The following SLC13A1 variants were observed in gnomAD, a reference collection of about 807,000 sequenced individuals.
SLC13A1 encodes Na(+)/sulfate cotransporter.
In SLC13A1, 65 loss-of-function variants were observed where a neutral mutation model predicts 70.0. The ratio of observed to expected loss-of-function variants is 0.93; its 90% CI spans 0.76 to 1.14. The LOEUF (loss-of-function observed/expected upper bound fraction) is 1.14, where lower values mean the gene tolerates loss of function less well. Ranked by LOEUF, SLC13A1 falls within the 50% of genes most tolerant of loss-of-function variation. The probability of loss-of-function intolerance (pLI) is 0.00; values close to 1 mark genes in which losing one functional copy is unlikely to be tolerated. For missense variants in SLC13A1, 726 were observed against 717.8 expected (o/e 1.01, Z -0.13); for synonymous variants, 275 against 250.5 (o/e 1.10, Z -0.92).
intron 3 of SLC13A1, among the ~76,000 whole-genome samples, chr7:123,170,193 G>C (rs1795222689): frequency 6.6e-6 from 1 of 152,072 alleles, no homozygotes; most frequent in Non-Finnish European, 1.5e-5. Context: ...GAAATAATCT[G>C]ACACCCTTTT....
intron 1 of SLC13A1, chr7:123,190,391 C>T (rs1795954739): frequency 3.0e-6 from 1 of 334,840 alleles, no homozygotes; most frequent in African/African-American, 2.2e-5. Context: ...CTTTCATAAA[C>T]AAAAAAGGCT....
At chr7:123,190,893 C>T (rs1028261355) in intron 1 of SLC13A1, among the ~76,000 whole-genome samples, 2 of 152,086 alleles carry the variant, frequency 1.3e-5, no homozygotes, top group East Asian at 1.9e-4. Context: ...TACTTTCCTG[C>T]TCTTGCTTTA....
At position 123,168,543 on chromosome 7, in the gene SLC13A1, T is replaced by C; in HGVS notation, c.572A>G (p.Glu191Gly). Residue 191 changes from glutamate to glycine, a missense_variant, in exon 5 of 15, where the codon GAA becomes GGA. By Grantham distance (98) the Glu-to-Gly change is moderately conservative. Coordinates refer to ENST00000194130, the MANE Select transcript of SLC13A1 (RefSeq NM_022444.4). Reference sequence around the variant, plus strand: ...TGTTTTCTCTTTCCTCTCATTTATTTCATGTCCATTAACACTTTCTGCAAA... The same window carrying C: ...TGTTTTCTCTTTCCTCTCATTTATTCCATGTCCATTAACACTTTCTGCAAA... ...LEIDESVNGH[E>G]INERKEKTKP... The C allele has an allele frequency of 6.2e-7, 1 of 1,609,374 alleles. No individual in the cohort carries two copies. The highest frequency in any genetic ancestry group is 8.5e-7 in the Non-Finnish European group (1 of 1,176,684).
intron 6 of SLC13A1, among the ~76,000 whole-genome samples, chr7:123,150,265 T>C (rs951549888): frequency 6.6e-6 from 1 of 152,140 alleles, no homozygotes; most frequent in Non-Finnish European, 1.5e-5. Flanking sequence ...ACAGAGAAAA[T>C]AGAAGCCAGC....
intron 7 of SLC13A1, among the ~76,000 whole-genome samples, chr7:123,139,033 T>C (rs1470406070): frequency 2.0e-5 from 3 of 152,112 alleles, no homozygotes; most frequent in Non-Finnish European, 4.4e-5. Context: ...TTTCTTGTAG[T>C]AGTTTCATAG....
intron 1 of SLC13A1, among the ~76,000 whole-genome samples, chr7:123,198,979 A>G (rs187921730): frequency 3.3e-5 from 5 of 152,202 alleles, no homozygotes; most frequent in African/African-American, 9.6e-5. Flanking sequence ...TACTATACAC[A>G]TCTTTCATAT....
chr7:123,115,038 C>T lies in SLC13A1; in HGVS notation c.*480G>A, dbSNP rs754638808. On this transcript the variant is annotated 3_prime_UTR_variant, in exon 15 of 15. Coordinates refer to ENST00000194130, the MANE Select transcript of SLC13A1 (RefSeq NM_022444.4). ...ACTTTTCTCTTCATCACCAGATGACCATGGCTTTGATTTCTCAGCAAATTC... is the reference window on the plus strand; with the variant it reads ...ACTTTTCTCTTCATCACCAGATGACTATGGCTTTGATTTCTCAGCAAATTC... The T allele has an allele frequency of 1.3e-5, 2 of 152,384 alleles. No individual in the cohort carries two copies. Among genetic ancestry groups the T allele is most frequent in the African/African-American group, 4.8e-5 (2 of 41,432 alleles). 9.4% of individuals were successfully genotyped at this position (152,384 alleles called of 1,614,324 possible).
intron 12 of SLC13A1, among the ~76,000 whole-genome samples, chr7:123,121,086 C>T (rs1793363517): frequency 6.6e-6 from 1 of 151,906 alleles, no homozygotes; most frequent in Admixed American, 6.6e-5. Context: ...GACTGTTGAA[C>T]ATTTTGGATT....
rs369638392 is a variant in SLC13A1, at chr7:123,151,317, C to A, written c.661-4007G>T. On this transcript the variant is annotated intron_variant, in intron 6 of 14. Coordinates refer to ENST00000194130, the MANE Select transcript of SLC13A1 (RefSeq NM_022444.4). ...CCACACTCCAGCCTGAGCAATAGAG[C>A]AAGACCCGTCTCAAAACAAAACAAA... 5.0e-4 allele frequency among the ~76,000 whole-genome samples: 75 copies of A among 151,144 alleles called. No homozygotes were observed. In the East Asian group the frequency reaches 0.011, roughly 22 times the overall value.
chr7:123,180,536 T>C (rs1345864244), intron 2 of SLC13A1, among the ~76,000 whole-genome samples: 1 of 152,104 alleles, frequency 6.6e-6, no homozygotes, highest in African/African-American at 2.4e-5. Context: ...GAGCTATACA[T>C]GAACATTAGT....
intron 7 of SLC13A1, 38 bp downstream of exon 7, chr7:123,147,121 C>T (rs750598671): frequency 3.8e-6 from 6 of 1,595,860 alleles, no homozygotes; most frequent in Non-Finnish European, 5.1e-6. Context: ...TTTTGTGCTG[C>T]CCTTATGTTA....
chr7:123,129,624 T>TA, intron 8 of SLC13A1, 143 bp from the exon 9 acceptor site: 1 of 617,300 alleles, frequency 1.6e-6, no homozygotes, highest in East Asian at 3.1e-5. Context: ...TAATAACAGA[T>TA]ATCTGTGCTT....
intron 1 of SLC13A1, among the ~76,000 whole-genome samples, chr7:123,186,963 G>A (rs1585402232): frequency 2.7e-5 from 4 of 145,774 alleles, no homozygotes; most frequent in African/African-American, 2.5e-5. Context: ...TCAAAATAAA[G>A]AAAGAGAAAA....
chr7:123,154,862 A>G (rs572854585), intron 6 of SLC13A1, among the ~76,000 whole-genome samples: 1 of 152,190 alleles, frequency 6.6e-6, no homozygotes, highest in Admixed American at 6.6e-5. Flanking sequence ...AGAACTGCAA[A>G]GAGCTATCTA....
intron 8 of SLC13A1, among the ~76,000 whole-genome samples, chr7:123,129,702 C>G (rs969926005): frequency 1.3e-5 from 2 of 152,092 alleles, no homozygotes; most frequent in African/African-American, 4.8e-5. Flanking sequence ...GGTTTGCTCA[C>G]TTTTTCGTGT....
At chr7:123,144,511 G>T (rs896164975) in intron 7 of SLC13A1, among the ~76,000 whole-genome samples, 1 of 152,162 alleles carries the variant, frequency 6.6e-6, no homozygotes, top group East Asian at 1.9e-4. Flanking sequence ...AAGTCAGATT[G>T]TGTAGTCAAA....
chr7:123,118,569 C>T (rs1015242838), intron 13 of SLC13A1, among the ~76,000 whole-genome samples: 1 of 152,086 alleles, frequency 6.6e-6, no homozygotes, highest in Admixed American at 6.6e-5. Flanking sequence ...TTTTAGCAAA[C>T]CCACTTACTT....
At chr7:123,169,571 T>C (rs187085631) in intron 3 of SLC13A1, among the ~76,000 whole-genome samples, 41 of 152,258 alleles carry the variant, frequency 2.7e-4, no homozygotes, top group Non-Finnish European at 5.3e-4. Context: ...CAGGGAACCA[T>C]GCAAATTTTC....
rs765486690 is a variant in SLC13A1 at position 123,147,305 on chromosome 7, T to C, written c.666A>G (p.Ser222=). The change falls in exon 7 of 15, where the codon TCA becomes TCG. Residue 222 remains serine (S), a synonymous_variant. Coordinates refer to ENST00000194130, the MANE Select transcript of SLC13A1 (RefSeq NM_022444.4). ...ISSKVELEKN[S]GMRTKYRTKK... Reference sequence around the variant, plus strand: ...TTGTTCGATATTTGGTTCTCATGCCTGAGTTCTGTTCAACAACAACAAAAA... The same window carrying C: ...TTGTTCGATATTTGGTTCTCATGCCCGAGTTCTGTTCAACAACAACAAAAA... 1 of 1,613,230 alleles carries C rather than the reference T, an allele frequency of 6.2e-7. No homozygotes were observed. Among genetic ancestry groups the C allele is most frequent in the Admixed American group, 1.7e-5 (1 of 59,930 alleles).
Sources: gnomAD v4.1 joint callset for allele counts (sites outside exome capture counted in the v4.1 genomes callset) on GRCh38, gnomAD v4.1.1 for gene constraint, MANE v1.5 for transcripts, NCBI Gene and HGNC (gene_info 2026-07-23, HGNC 2026-07-21) for gene names.